Variants in ITPK1 observed in about 807,000 individuals in gnomAD.
The protein encoded by ITPK1 is inositol-tetrakisphosphate 1-kinase, also known as inositol 1,3,4-trisphosphate 5/6-kinase.
Under a neutral mutation model 45.3 loss-of-function variants are expected in ITPK1, and 21 were observed. The ratio of observed to expected loss-of-function variants is 0.46; its 90% confidence interval spans 0.33 to 0.67. The LOEUF (loss-of-function observed/expected upper bound fraction) is 0.67, where lower values mean the gene tolerates loss of function less well. ITPK1 is among the 30% of genes least tolerant of loss of function. ITPK1 has a pLI of 0.02. For synonymous variants in ITPK1, 258 were observed against 253.6 expected, an observed-to-expected ratio of 1.02 and a Z score of -0.16; for missense variants, 474 against 573.5, an observed-to-expected ratio of 0.83 and a Z score of 1.77.
At chr14:93,039,600 C>G (rs1889475421) in intron 3 of ITPK1, among the ~76,000 whole-genome samples, 1 of 152,236 alleles carries the variant, frequency 6.6e-6, no homozygotes, top group Admixed American at 6.5e-5. Flanking sequence ...GAATCCGCTG[C>G]TCGCAGATCT....
chr14:92,973,397 T>A (rs886370020), intron 5 of ITPK1, among the ~76,000 whole-genome samples: 15 of 152,284 alleles, frequency 9.9e-5, no homozygotes, highest in African/African-American at 3.1e-4. Flanking sequence ...GGGCCTGCAA[T>A]CTCCCGCCTG....
intron 1 of ITPK1, 84 bp downstream of exon 1, chr14:93,115,688 G>A (rs944796524): frequency 1.3e-5 from 2 of 149,602 alleles, no homozygotes; most frequent in Non-Finnish European, 3.0e-5. Flanking sequence ...GCCCTCTGAT[G>A]TTCCCAGCCG....
chr14:93,051,629 A>AG lies in ITPK1; in HGVS notation c.120+24965_120+24966insC, dbSNP rs1349444445. On this transcript the variant is annotated intron_variant, in intron 3 of 10. Coordinates refer to ENST00000267615, the MANE Select transcript of ITPK1 (RefSeq NM_014216.6). ...AACTCTGTCTCAAAAGAAAAAAAAA[A>AG]AAAAGAAAGAGCTGCTCAGGTGAAG... 2.0e-5 allele frequency among the ~76,000 whole-genome samples: 3 copies of AG among 152,022 alleles called. No individual in the cohort carries two copies. In the East Asian group the frequency reaches 5.8e-4, roughly 30 times the overall value.
chr14:92,998,736 T>C (rs111307422), intron 4 of ITPK1, among the ~76,000 whole-genome samples: 85 of 152,276 alleles, frequency 5.6e-4, no homozygotes, highest in African/African-American at 1.9e-3. Flanking sequence ...CACCCCTAAG[T>C]GTGCCAGAAA....
intron 2 of ITPK1, among the ~76,000 whole-genome samples, chr14:93,077,676 C>T (rs1181130414): frequency 6.6e-6 from 1 of 152,194 alleles, no homozygotes. Context: ...GCAGCTCTGG[C>T]ACACAGGGCT....
At chr14:92,987,872 G>A (rs770457061) in intron 5 of ITPK1, among the ~76,000 whole-genome samples, 1 of 152,164 alleles carries the variant, frequency 6.6e-6, no homozygotes, top group Non-Finnish European at 1.5e-5. Flanking sequence ...CACGGCAGAC[G>A]CCAGGACGGC....
chr14:93,054,726 C>T (rs977385582), intron 3 of ITPK1, among the ~76,000 whole-genome samples: 3 of 152,148 alleles, frequency 2.0e-5, no homozygotes, highest in East Asian at 1.9e-4. Context: ...CTGATATGTA[C>T]GGTGGCTTGA....
intron 2 of ITPK1, among the ~76,000 whole-genome samples, chr14:93,094,757 A>T (rs1190260575): frequency 6.6e-6 from 1 of 152,154 alleles, no homozygotes. Context: ...GCACAGGGAG[A>T]GGCAGGGGTG....
At chr14:93,024,989 C>T (rs1888665119) in intron 3 of ITPK1, among the ~76,000 whole-genome samples, 1 of 152,160 alleles carries the variant, frequency 6.6e-6, no homozygotes, top group African/African-American at 2.4e-5. Flanking sequence ...GGCAGGGAAG[C>T]ACCCACAAGC....
At chr14:93,018,208 C>T (rs1257618669) in intron 3 of ITPK1, among the ~76,000 whole-genome samples, 1 of 152,188 alleles carries the variant, frequency 6.6e-6, no homozygotes, top group African/African-American at 2.4e-5. Context: ...CGCCCCCACC[C>T]CCTGCCATAT....
chr14:93,100,124 A>G (rs914474672), intron 2 of ITPK1, among the ~76,000 whole-genome samples: 1 of 152,188 alleles, frequency 6.6e-6, no homozygotes, highest in Admixed American at 6.5e-5. Context: ...GTAGAAGGGA[A>G]TGAGGCGCTG....
In ITPK1 at chr14:93,012,686, G is replaced by T. The variant is rs1003120352; in HGVS notation, c.246+3990C>A. Among the ~76,000 whole-genome samples, 1 of 152,198 alleles carries T rather than the reference G, an allele frequency of 6.6e-6. No homozygotes were observed. The highest frequency in any genetic ancestry group is 2.4e-5 in the African/African-American group (1 of 41,444). On this transcript the variant is annotated intron_variant, in intron 4 of 10. Coordinates refer to ENST00000267615, the MANE Select transcript of ITPK1 (RefSeq NM_014216.6). This position sits in a 1 kb window ranked among gnomAD's most constrained non-coding sequence, Gnocchi z 4.9. ...GGCACCCAGCAGTGCTGCCGCAGAG[G>T]ACACTCTCCTAGCAGTCTGTGTGCA... is the stretch of plus-strand genomic sequence containing the variant.
At chr14:93,021,919 T>C (rs1807855221) in intron 3 of ITPK1, among the ~76,000 whole-genome samples, 1 of 152,266 alleles carries the variant, frequency 6.6e-6, no homozygotes, top group African/African-American at 2.4e-5. Flanking sequence ...TGGTTTCCAA[T>C]TACTCGGATA....
chr14:93,085,010 C>G lies in ITPK1; in HGVS notation c.96-8391G>C, dbSNP rs1011056322. Among the ~76,000 whole-genome samples the G allele has an allele frequency of 4.6e-5, 7 of 152,312 alleles. No individual in the cohort carries two copies. In the East Asian group the frequency reaches 1.4e-3, roughly 29 times the overall value. ...CAGCATCCCTGTGCCCCCTGCAGAC[C>G]CTGGGCCTGGCAGGCTCTCTGCAAA... On this transcript the variant is annotated intron_variant, in intron 2 of 10. Transcript: ENST00000267615.
At chr14:93,022,146 G>A (rs556032280) in intron 3 of ITPK1, among the ~76,000 whole-genome samples, 1 of 152,306 alleles carries the variant, frequency 6.6e-6, no homozygotes, top group South Asian at 2.1e-4. Context: ...CTCAGGATGG[G>A]CCAGTCCTGT....
chr14:93,073,380 C>T (rs993589330), intron 3 of ITPK1, among the ~76,000 whole-genome samples: 1 of 152,194 alleles, frequency 6.6e-6, no homozygotes, highest in Non-Finnish European at 1.5e-5. Flanking sequence ...AGCACAGGCA[C>T]CTGAGGACAC....
chr14:93,072,005 T>G (rs1369427918), intron 3 of ITPK1: 1 of 151,790 alleles, frequency 6.6e-6, no homozygotes, highest in Non-Finnish European at 1.5e-5. Context: ...AAAAATAAAC[T>G]TAATTAGGCC....
At chr14:93,053,374 C>T (rs560115215) in intron 3 of ITPK1, among the ~76,000 whole-genome samples, 32 of 152,288 alleles carry the variant, frequency 2.1e-4, no homozygotes, top group African/African-American at 7.7e-4. Flanking sequence ...GTTCCCCACC[C>T]GCCCCTCTCC....
chr14:93,056,003 T>C (rs1420563493), intron 3 of ITPK1, among the ~76,000 whole-genome samples: 1 of 152,164 alleles, frequency 6.6e-6, no homozygotes, highest in African/African-American at 2.4e-5. Context: ...GTGAGGTGTT[T>C]AGGCCACAGG....
Sources: allele counts gnomAD v4.1 joint callset (sites outside exome capture counted in the v4.1 genomes callset), GRCh38; gene constraint gnomAD v4.1.1; non-coding constraint Gnocchi (gnomAD v3.1); transcripts MANE v1.5; gene names NCBI Gene and HGNC (gene_info 2026-07-23, HGNC 2026-07-21).